The following EFR3A variants were observed in gnomAD, a reference collection of about 807,000 sequenced individuals.
The protein encoded by EFR3A is protein EFR3 homolog A.
A neutral mutation model predicts 104.4 loss-of-function variants in EFR3A; 76 were observed. The ratio of observed to expected loss-of-function variants is 0.73; its 90% CI spans 0.60 to 0.88. The LOEUF (loss-of-function observed/expected upper bound fraction) is 0.88. Ranked by LOEUF, EFR3A falls within the 40% of genes least tolerant of loss-of-function variation. EFR3A has a pLI of 0.00. For missense variants in EFR3A, 985 were observed against 1,012.5 expected, an observed-to-expected ratio of 0.97 and a Z score of 0.37; for synonymous variants, 330 against 330.0, an observed-to-expected ratio of 1.00 and a Z score of 0.00.
chr8:131,995,237 C>T (rs905079918), intron 18 of EFR3A, among the ~76,000 whole-genome samples: 1 of 152,170 alleles, frequency 6.6e-6, no homozygotes, highest in Admixed American at 6.5e-5. Context: ...CTTTTACTCA[C>T]TCAGCTTTCC....
At chr8:131,909,087 C>T (rs1195733870) in intron 1 of EFR3A, among the ~76,000 whole-genome samples, 1 of 152,140 alleles carries the variant, frequency 6.6e-6, no homozygotes, top group Non-Finnish European at 1.5e-5. Flanking sequence ...GAACTTACTC[C>T]GTCTAACTGT....
intron 12 of EFR3A, 28 bp from the exon 13 acceptor site, chr8:131,978,819 G>C (rs377487114): frequency 2.0e-6 from 3 of 1,464,674 alleles, no homozygotes; most frequent in African/African-American, 2.9e-5. Flanking sequence ...CATGACAAAA[G>C]GTTGTTTGTT....
At chr8:131,958,464 A>C (rs2130641795) in intron 7 of EFR3A, among the ~76,000 whole-genome samples, 1 of 152,274 alleles carries the variant, frequency 6.6e-6, no homozygotes, top group South Asian at 2.1e-4. Context: ...TCTACTCTTC[A>C]TTCAGGCTTC....
At chr8:131,907,656 G>A (rs975244454) in intron 1 of EFR3A, among the ~76,000 whole-genome samples, 1 of 152,116 alleles carries the variant, frequency 6.6e-6, no homozygotes, top group Admixed American at 6.5e-5. Flanking sequence ...ATAAAAGAGG[G>A]TTGCTGATTG....
chr8:131,959,376 C>T (rs767784711), intron 7 of EFR3A, among the ~76,000 whole-genome samples: 23 of 152,024 alleles, frequency 1.5e-4, no homozygotes, highest in South Asian at 2.1e-4. Flanking sequence ...TAAATGTTCA[C>T]GAAACTACTT....
intron 8 of EFR3A, among the ~76,000 whole-genome samples, chr8:131,964,980 TACTA>T (rs1819617606): frequency 6.6e-6 from 1 of 152,216 alleles, no homozygotes; most frequent in Admixed American, 6.5e-5. Flanking sequence ...ATTCCCTATT[TACTA>T]AATGGTGCTG....
chr8:132,001,685 A>G, intron 19 of EFR3A, 74 bp from the exon 20 acceptor site: 1 of 1,301,078 alleles, frequency 7.7e-7, no homozygotes, highest in Non-Finnish European at 1.1e-6. Flanking sequence ...TTCTTAGATG[A>G]CTTGTAACTA....
intron 8 of EFR3A, 128 bp from the exon 9 acceptor site, chr8:131,968,167 A>G: frequency 2.6e-6 from 2 of 762,458 alleles, no homozygotes; most frequent in Non-Finnish European, 2.0e-6. Context: ...GTGGCTATTT[A>G]TTGTCTCATA....
intron 17 of EFR3A, 122 bp from the exon 18 acceptor site, chr8:131,987,453 A>T: frequency 9.0e-7 from 1 of 1,112,078 alleles, no homozygotes; most frequent in Non-Finnish European, 1.2e-6. Context: ...TTCTGCTACT[A>T]CAGTTTACAT....
intron 22 of EFR3A, among the ~76,000 whole-genome samples, chr8:132,009,007 T>TA (rs1242332877): frequency 1.3e-5 from 2 of 151,980 alleles, no homozygotes; most frequent in East Asian, 1.9e-4. Context: ...TATCCCTTAA[T>TA]AAAAAATTTA....
At chr8:131,996,302 T>C in intron 18 of EFR3A, 104 bp from the exon 19 acceptor site, 3 of 668,272 alleles carry the variant, frequency 4.5e-6, no homozygotes, top group Non-Finnish European at 7.1e-6. Context: ...ACAAACTGTC[T>C]GAATTTTTTG....
chr8:131,979,514 A>T, intron 14 of EFR3A, 93 bp downstream of exon 14: 1 of 912,274 alleles, frequency 1.1e-6, no homozygotes, highest in Non-Finnish European at 1.7e-6. Flanking sequence ...CCTTGAAATT[A>T]AGCCATAGAA....
chr8:131,988,086 T>C (rs1428925227), intron 18 of EFR3A, among the ~76,000 whole-genome samples: 4 of 152,110 alleles, frequency 2.6e-5, no homozygotes, highest in Non-Finnish European at 5.9e-5. Flanking sequence ...TAGGCAACTT[T>C]CGTTATTTGA....
At position 131,979,430 on chromosome 8, in the gene EFR3A, T is replaced by G. The variant is rs1329139329; in HGVS notation, c.1575+9T>G. ...CAAGTTTCATGAAAAAGGTAAGACA[T>G]CTTCTAAAAAAATAAATGTGTAGTG... On this transcript the variant is annotated intron_variant, in intron 14 of 22. Transcript: ENST00000254624. 3.3e-6 allele frequency: 5 copies of G among 1,527,158 alleles called. No individual in the cohort carries two copies. Among genetic ancestry groups the G allele is most frequent in the Non-Finnish European group, 4.5e-6 (5 of 1,123,548 alleles). 94.6% of individuals were successfully genotyped at this position (1,527,158 alleles called of 1,614,324 possible).
intron 8 of EFR3A, among the ~76,000 whole-genome samples, chr8:131,966,480 AAGT>A (rs1201177177): frequency 2.6e-5 from 4 of 152,332 alleles, no homozygotes; most frequent in African/African-American, 7.2e-5. Flanking sequence ...ACAAATTGAA[AAGT>A]AGTAATAATA....
chr8:131,904,332 CGGCCGA>C lies in EFR3A; in HGVS notation c.10+13_10+18del. 1 of 1,251,164 alleles carries C rather than the reference CGGCCGA, an allele frequency of 8.0e-7. No homozygotes were observed. Among genetic ancestry groups the C allele is most frequent in the Non-Finnish European group, 1.0e-6 (1 of 996,760 alleles). The allele number at this position is 1,251,164 out of a possible 1,614,324, so 77.5% of individuals were successfully genotyped here. On this transcript the variant is annotated intron_variant, in intron 1 of 22. Transcript: ENST00000254624. ...ATCGCCATGCCTACCCGTGAGTGGC[CGGCCGA>C]GGGCCGGGGGCGTTGGGAGGCGACT... is the stretch of plus-strand genomic sequence containing the variant.
intron 8 of EFR3A, among the ~76,000 whole-genome samples, chr8:131,962,848 A>G (rs1338681966): frequency 6.6e-6 from 1 of 152,234 alleles, no homozygotes; most frequent in African/African-American, 2.4e-5. Context: ...ATGTAAAAGA[A>G]CAGAAATTAT....
At chr8:131,924,263 G>A (rs1400776845) in intron 1 of EFR3A, 2 of 217,784 alleles carry the variant, frequency 9.2e-6, no homozygotes, top group Non-Finnish European at 2.0e-5. Flanking sequence ...CTAATTATTT[G>A]TCCTTGACTC....
intron 10 of EFR3A, 38 bp from the exon 11 acceptor site, chr8:131,975,988 CT>C: frequency 7.8e-7 from 1 of 1,288,564 alleles, no homozygotes; most frequent in Non-Finnish European, 1.1e-6. Flanking sequence ...GAAAAGTAGA[CT>C]TTTTCAGTTT....
Sources: gnomAD v4.1 joint callset for allele counts (sites outside exome capture counted in the v4.1 genomes callset) on GRCh38, gnomAD v4.1.1 for gene constraint, MANE v1.5 for transcripts, NCBI Gene and HGNC (gene_info 2026-07-23, HGNC 2026-07-21) for gene names.